Variants in CEP57L1 observed in about 807,000 individuals in gnomAD.
The protein encoded by CEP57L1 is centrosomal protein CEP57L1.
A neutral mutation model predicts 61.0 loss-of-function variants in CEP57L1; 37 were observed. The ratio of observed to expected loss-of-function variants is 0.61; its 90% CI spans 0.47 to 0.80. The LOEUF (loss-of-function observed/expected upper bound fraction) is 0.80. Among genes scored for constraint, CEP57L1 ranks in the 30% least tolerant of loss-of-function variants. The pLI, the probability that CEP57L1 is intolerant of heterozygous loss-of-function variation, is 0.00. For missense variants in CEP57L1, 422 were observed against 524.7 expected, an observed-to-expected ratio of 0.80 and a Z score of 1.91; for synonymous variants, 137 against 162.3, an observed-to-expected ratio of 0.84 and a Z score of 1.19.
rs114534530 is a variant in CEP57L1, at chr6:109,118,031, A to G, written c.-4+22456A>G. On this transcript the variant is annotated intron_variant, in intron 1 of 10. Transcript: ENST00000517392. ...TGTAGGTGCATTTTAAGTAAAATGT[A>G]TATAGTTGTTGTTGTTGTTTTTGAG... Among the ~76,000 whole-genome samples, 1,265 of 152,310 alleles carry G rather than the reference A, an allele frequency of 8.3e-3. 24 individuals carry two copies. Among genetic ancestry groups the G allele is most frequent in the African/African-American group, 0.029 (1,214 of 41,556 alleles).
intron 7 of CEP57L1, chr6:109,156,869 C>A (rs186629282): frequency 1.3e-5 from 2 of 152,066 alleles, no homozygotes; most frequent in Admixed American, 1.3e-4. Context: ...AATATTTCCC[C>A]AATATGACTT....
intron 1 of CEP57L1, among the ~76,000 whole-genome samples, chr6:109,135,887 A>C (rs1390283219): frequency 6.6e-6 from 1 of 152,216 alleles, no homozygotes. Flanking sequence ...ACCAGTTAGA[A>C]TGGCAATCAT....
chr6:109,128,432 C>T (rs1006283404), intron 1 of CEP57L1, among the ~76,000 whole-genome samples: 6 of 152,112 alleles, frequency 3.9e-5, no homozygotes, highest in African/African-American at 1.4e-4. Context: ...CTACTCCAGT[C>T]CTATTTTAGA....
chr6:109,113,159 T>C (rs1353897116), intron 1 of CEP57L1, among the ~76,000 whole-genome samples: 1 of 152,158 alleles, frequency 6.6e-6, no homozygotes, highest in Non-Finnish European at 1.5e-5. Context: ...TCTTTGTAGG[T>C]CTCTAAGAAC....
At chr6:109,129,001 C>T (rs1773880003) in intron 1 of CEP57L1, among the ~76,000 whole-genome samples, 1 of 152,090 alleles carries the variant, frequency 6.6e-6, no homozygotes, top group South Asian at 2.1e-4. Flanking sequence ...GAGTTCGAGA[C>T]CAGCCTGGCC....
Position 109,164,990 on chromosome 6 carries a change from A to T in CEP57L1, c.*2020A>T, listed in dbSNP as rs1006837783. 2.0e-5 allele frequency among the ~76,000 whole-genome samples: 3 copies of T among 151,846 alleles called. No individual in the cohort carries two copies. Among genetic ancestry groups the T allele is most frequent in the Non-Finnish European group, 4.4e-5 (3 of 67,984 alleles). ...CTACTTGGGAGACTGAGGCAGGGGA[A>T]TCGCTTGAACCTGGGAGATGGAGGT... On this transcript the variant is annotated 3_prime_UTR_variant, in exon 11 of 11. Transcript: ENST00000517392.
Position 109,173,307 on chromosome 6 carries a change from G to A in CEP57L1, c.*10337G>A, listed in dbSNP as rs1393702639. 1.3e-5 allele frequency among the ~76,000 whole-genome samples: 2 copies of A among 151,810 alleles called. No individual in the cohort carries two copies. Among genetic ancestry groups the A allele is most frequent in the African/African-American group, 4.8e-5 (2 of 41,366 alleles). ...TCCTAAAAGGTCAGTTGGAACATGA[G>A]ACCATTTAAAGAATATTATTTCCTT... On this transcript the variant is annotated 3_prime_UTR_variant, in exon 11 of 11. Transcript: ENST00000517392.
chr6:109,162,873 A>T lies in CEP57L1; in HGVS notation c.1286A>T (p.Asp429Val). 2 of 1,613,330 alleles carry T rather than the reference A, an allele frequency of 1.2e-6. No individual in the cohort carries two copies. The highest frequency in any genetic ancestry group is 1.7e-6 in the Non-Finnish European group (2 of 1,179,470). Residue 429 changes from aspartate to valine, a missense_variant, in exon 11 of 11, where the codon GAC (aspartate) becomes GTC (valine). Physicochemically the swap from Asp to Val is radical, Grantham distance 152 (BLOSUM62 -3). Transcript: ENST00000517392. ...IKNSPRKCLT[D>V]TNLFQKNSSF... ...AATAGCCCCAGAAAATGTTTGACTGACACTAACCTTTTTCAGAAAAACAGC... is the reference window on the plus strand; with the variant it reads ...AATAGCCCCAGAAAATGTTTGACTGTCACTAACCTTTTTCAGAAAAACAGC...
Position 109,159,430 on chromosome 6 carries a change from G to A in CEP57L1, c.984G>A (p.Met328Ile). The change falls in exon 9 of 11, where the codon ATG (methionine) becomes ATA (isoleucine). Residue 328 changes from methionine (M) to isoleucine (I), a missense_variant. Physicochemically the swap from Met to Ile is conservative, Grantham distance 10. Transcript: ENST00000517392. ...SICDNLSELLMAMQDELDQMS... is the reference protein window; with the variant it reads ...SICDNLSELLIAMQDELDQMS... ...GTGACAATTTATCTGAACTTTTGATGGCAATGCAAGATGAGCTGGACCAAA... is the reference window on the plus strand; with the variant it reads ...GTGACAATTTATCTGAACTTTTGATAGCAATGCAAGATGAGCTGGACCAAA... 2 of 1,613,562 alleles carry A rather than the reference G, an allele frequency of 1.2e-6. No homozygotes were observed. The highest frequency in any genetic ancestry group is 2.2e-5 in the South Asian group (2 of 91,048).
upstream of CEP57L1, chr6:109,095,241 G>T: frequency 7.1e-6 from 7 of 985,520 alleles, no homozygotes; most frequent in Non-Finnish European, 8.4e-6. Context: ...CTGGAGAAGG[G>T]GAAGGAAAAA....
chr6:109,127,783 G>A (rs1169248923), intron 1 of CEP57L1, among the ~76,000 whole-genome samples: 1 of 151,382 alleles, frequency 6.6e-6, no homozygotes. Context: ...ACCACGCCTG[G>A]CTAATTTTTT....
chr6:109,121,134 G>A (rs903036400), intron 1 of CEP57L1, among the ~76,000 whole-genome samples: 3 of 152,154 alleles, frequency 2.0e-5, no homozygotes, highest in African/African-American at 4.8e-5. Context: ...CACTAAAAAC[G>A]GGGAAGTTAG....
At chr6:109,158,536 A>G (rs1310190788) in intron 7 of CEP57L1, 2 of 419,248 alleles carry the variant, frequency 4.8e-6, no homozygotes, top group East Asian at 1.5e-4. Context: ...AGCTATTACA[A>G]ATAAAGCTGC....
intron 1 of CEP57L1, among the ~76,000 whole-genome samples, chr6:109,139,311 T>C (rs1299512692): frequency 6.6e-6 from 1 of 152,120 alleles, no homozygotes; most frequent in Non-Finnish European, 1.5e-5. Context: ...ATTTTCAGTT[T>C]AAAAAATTTT....
In CEP57L1 at chr6:109,159,315, T is replaced by G; in HGVS notation, c.869T>G (p.Val290Gly). ...CATATCCTTCAGAAACCTTTTAACG[T>G]GACTGAGACTAGATGTCTCCCCAAG... ...DPHILQKPFNVTETRCLPKPS... is the reference protein window; with the variant it reads ...DPHILQKPFNGTETRCLPKPS... The change falls in exon 9 of 11, where the codon GTG (valine) becomes GGG (glycine). Residue 290 changes from valine to glycine, a missense_variant. By Grantham distance (109) the Val-to-Gly change is moderately radical. Coordinates refer to ENST00000517392, the MANE Select transcript of CEP57L1 (RefSeq NM_001271852.3). 1.2e-6 allele frequency: 2 copies of G among 1,614,154 alleles called. No individual in the cohort carries two copies. The highest frequency in any genetic ancestry group is 1.7e-6 in the Non-Finnish European group (2 of 1,180,012).
intron 1 of CEP57L1, among the ~76,000 whole-genome samples, chr6:109,111,797 A>G (rs899649122): frequency 2.0e-5 from 3 of 151,938 alleles, no homozygotes; most frequent in African/African-American, 7.3e-5. Flanking sequence ...TTTTTTTGTC[A>G]TTGGTTCTGT....
chr6:109,136,362 C>A (rs1770678290), intron 1 of CEP57L1, among the ~76,000 whole-genome samples: 1 of 152,110 alleles, frequency 6.6e-6, no homozygotes, highest in Admixed American at 6.5e-5. Context: ...GGGAATTGAA[C>A]AATGAGAACA....
intron 1 of CEP57L1, among the ~76,000 whole-genome samples, chr6:109,143,562 C>A (rs1008185546): frequency 6.6e-6 from 1 of 152,108 alleles, no homozygotes; most frequent in Non-Finnish European, 1.5e-5. Context: ...CTTGTGCCCA[C>A]TTTAATATGT....
At position 109,145,341 on chromosome 6, in the gene CEP57L1, A is replaced by C. The variant is rs1327761227; in HGVS notation, c.120A>C (p.Glu40Asp). Residue 40 changes from glutamate to aspartate, a missense_variant, in exon 2 of 11, where the codon GAA (glutamate) becomes GAC (aspartate). Transcript: ENST00000517392. ...PSQNCHPANL[E>D]VTSPKILHSP... ...AGAATTGCCATCCTGCAAACTTAGA[A>C]GTTACCTCTCCTAAGATACTTCATA... is the stretch of plus-strand genomic sequence containing the variant. 6.2e-7 allele frequency: 1 copy of C among 1,611,620 alleles called. No homozygotes were observed. The highest frequency in any genetic ancestry group is 8.5e-7 in the Non-Finnish European group (1 of 1,178,470).
Sources: allele counts gnomAD v4.1 joint callset (sites outside exome capture counted in the v4.1 genomes callset), GRCh38; gene constraint gnomAD v4.1.1; transcripts MANE v1.5; gene names NCBI Gene and HGNC (gene_info 2026-07-23, HGNC 2026-07-21).